Variants in EXOC4 observed in about 807,000 individuals in gnomAD.
EXOC4 encodes the protein SEC8-like 1.
In EXOC4, 71 loss-of-function variants were observed where a neutral mutation model predicts 107.2. That is an observed-to-expected ratio of 0.66 (90% CI 0.55 to 0.81). The LOEUF (loss-of-function observed/expected upper bound fraction) is 0.81. Among genes scored for constraint, EXOC4 ranks in the 30% least tolerant of loss-of-function variants. The pLI is 0.00. For missense variants in EXOC4, 1,108 were observed against 1,189.6 expected (o/e 0.93, Z 1.01); for synonymous variants, 456 against 441.2 (o/e 1.03, Z -0.42).
At chr7:133,661,672 T>TAAAA (rs1177627198) in intron 10 of EXOC4, among the ~76,000 whole-genome samples, 204 of 13,258 alleles carry the variant, frequency 0.015, 2 homozygotes, top group Non-Finnish European at 0.017. Flanking sequence ...TCCTTAAAAC[T>TAAAA]AAAAAAAAAA....
chr7:133,919,628 C>G (rs1037804477), intron 13 of EXOC4, among the ~76,000 whole-genome samples: 1 of 152,144 alleles, frequency 6.6e-6, no homozygotes, highest in Non-Finnish European at 1.5e-5. Context: ...TACTTGAAAT[C>G]ATACAGTATG....
At chr7:133,841,854 CTTCT>C (rs1798030790) in intron 11 of EXOC4, among the ~76,000 whole-genome samples, 1 of 152,108 alleles carries the variant, frequency 6.6e-6, no homozygotes, top group African/African-American at 2.4e-5. Context: ...CTGTTTTTCC[CTTCT>C]TTGTGTTCAT....
intron 5 of EXOC4, among the ~76,000 whole-genome samples, chr7:133,346,431 TTTC>T (rs1237426385): frequency 6.6e-6 from 1 of 152,224 alleles, no homozygotes; most frequent in African/African-American, 2.4e-5. Context: ...AGTCAGATGA[TTTC>T]TTTTTAATTT....
rs577838668 is a variant in EXOC4, at chr7:133,564,150, G to T, written c.1418-65895G>T. On this transcript the variant is annotated intron_variant, in intron 9 of 17. Coordinates refer to ENST00000253861, the MANE Select transcript of EXOC4 (RefSeq NM_021807.4). ...ACTGTGTGATTTATAAAGAAAAAGA[G>T]ATTTAATTGGCTCACGGTTCTGCAG... Among the ~76,000 whole-genome samples, 5 of 152,314 alleles carry T rather than the reference G, an allele frequency of 3.3e-5. No individual in the cohort carries two copies. The East Asian group carries it at 9.6e-4, about 29-fold the overall frequency.
In EXOC4 at chr7:133,938,076, A is replaced by G. The variant is rs751386426; in HGVS notation, c.2206+7A>G. The G allele has an allele frequency of 2.1e-5, 34 of 1,614,060 alleles. No individual in the cohort carries two copies. Among genetic ancestry groups the G allele is most frequent in the South Asian group, 3.3e-5 (3 of 91,068 alleles). ...AATCTTTCTACATCCCAGAGTAAGT[A>G]TCTAGTAGGAAGCTGTTGTGGGGAC... On this transcript the variant is annotated splice_region_variant and intron_variant, in intron 14 of 17. Transcript: ENST00000253861.
Position 133,306,009 on chromosome 7 carries a change from A to G in EXOC4, c.604A>G (p.Ile202Val). Reference sequence around the variant, plus strand: ...AGATGAACTACACCGGCACCTGTACATCAAATCGACTAGCCGAGTTGTGCA... The same window carrying G: ...AGATGAACTACACCGGCACCTGTACGTCAAATCGACTAGCCGAGTTGTGCA... ...LIDELHRHLY[I>V]KSTSRVVQRN... is the part of the protein sequence containing the mutation. Residue 202 changes from isoleucine to valine, a missense_variant, in exon 4 of 18, where the codon ATC (isoleucine) becomes GTC (valine). Ile to Val is a conservative substitution (Grantham distance 29, BLOSUM62 3). Transcript: ENST00000253861. The G allele has an allele frequency of 6.2e-7, 1 of 1,613,820 alleles. No homozygotes were observed. Among genetic ancestry groups the G allele is most frequent in the Non-Finnish European group, 8.5e-7 (1 of 1,179,852 alleles).
At chr7:133,855,114 A>AATATATATATATAAAT (rs1288513345) in intron 11 of EXOC4, among the ~76,000 whole-genome samples, 4 of 91,492 alleles carry the variant, frequency 4.4e-5, no homozygotes, top group African/African-American at 1.6e-4. Flanking sequence ...AATATATATA[A>AATATATATATATAAAT]ATATATATAT....
chr7:133,630,123 T>A lies in EXOC4; in HGVS notation c.1496T>A (p.Ile499Lys). 1 of 1,613,504 alleles carries A rather than the reference T, an allele frequency of 6.2e-7. No homozygotes were observed. Among genetic ancestry groups the A allele is most frequent in the Non-Finnish European group, 8.5e-7 (1 of 1,179,466 alleles). The change falls in exon 10 of 18, where the codon ATA becomes AAA. Residue 499 changes from isoleucine (I) to lysine (K), a missense_variant. Transcript: ENST00000253861. The stretch of plus-strand genomic sequence containing the variant: ...CCTGGAGCCAGAAACATTACCGTCA[T>A]ATTCCACCCATTACTAAGGTAAGTC... ...CKPGARNITV[I>K]FHPLLRFIQE...
chr7:133,691,506 A>G (rs546315198), intron 10 of EXOC4, among the ~76,000 whole-genome samples: 8 of 152,342 alleles, frequency 5.3e-5, no homozygotes, highest in African/African-American at 1.7e-4. Flanking sequence ...TATTAATAAT[A>G]CATATTTACT....
chr7:133,546,414 C>T (rs1485184188), intron 9 of EXOC4, among the ~76,000 whole-genome samples: 1 of 151,994 alleles, frequency 6.6e-6, no homozygotes, highest in South Asian at 2.1e-4. Flanking sequence ...TGCCACCATA[C>T]CCAGCTAATT....
intron 17 of EXOC4, among the ~76,000 whole-genome samples, chr7:134,051,079 A>T (rs1179925498): frequency 1.3e-5 from 2 of 152,190 alleles, no homozygotes; most frequent in Non-Finnish European, 2.9e-5. Flanking sequence ...TGAGATTTTG[A>T]GGTTTTGCAA....
At position 133,705,266 on chromosome 7, in the gene EXOC4, C is replaced by CT. The variant is rs1406907287; in HGVS notation, c.1514+75126dup. On this transcript the variant is annotated intron_variant, in intron 10 of 17. Transcript: ENST00000253861. ...CCTGTAATCCCAGCAATTCAGGAGT[C>CT]TAAGGCAGGAGAATCACTTGAACCT... Among the ~76,000 whole-genome samples, 3 of 152,190 alleles carry CT rather than the reference C, an allele frequency of 2.0e-5. No individual in the cohort carries two copies. The East Asian group carries it at 5.8e-4, about 29-fold the overall frequency.
chr7:133,257,330 A>T (rs764368167), intron 1 of EXOC4, among the ~76,000 whole-genome samples: 2 of 151,940 alleles, frequency 1.3e-5, no homozygotes, highest in Non-Finnish European at 2.9e-5. Flanking sequence ...TTTTCTGTTG[A>T]CCTGCTGATG....
chr7:133,695,140 T>A (rs1410562136), intron 10 of EXOC4, among the ~76,000 whole-genome samples: 1 of 151,480 alleles, frequency 6.6e-6, no homozygotes. Context: ...CCTTTCTAAC[T>A]ATGGTAATCA....
intron 14 of EXOC4, among the ~76,000 whole-genome samples, chr7:133,939,442 G>A (rs899402436): frequency 6.6e-6 from 1 of 152,170 alleles, no homozygotes; most frequent in African/African-American, 2.4e-5. Context: ...GAAGCAGTGG[G>A]CTTCAGAGGG....
At chr7:134,072,545 G>A in the EXOC4 span, among the ~76,000 whole-genome samples, 1 of 152,168 alleles carries the variant, frequency 6.6e-6, no homozygotes, top group Non-Finnish European at 1.5e-5. Flanking sequence ...ATGGCCAGGG[G>A]AGGTCAGAGA....
intron 10 of EXOC4, among the ~76,000 whole-genome samples, chr7:133,783,900 G>A (rs551640520): frequency 6.6e-6 from 1 of 152,242 alleles, no homozygotes; most frequent in East Asian, 1.9e-4. Flanking sequence ...TTATACAGTA[G>A]ATGAAATGCA....
intron 10 of EXOC4, among the ~76,000 whole-genome samples, chr7:133,719,756 C>T (rs1474332638): frequency 1.3e-5 from 2 of 152,102 alleles, no homozygotes; most frequent in East Asian, 1.9e-4. Context: ...GGCAGAAACT[C>T]AGAAACAATA....
At chr7:134,069,726 C>T (rs992676343), downstream of EXOC4, among the ~76,000 whole-genome samples, 8 of 152,132 alleles carry the variant, frequency 5.3e-5, no homozygotes, top group African/African-American at 1.7e-4. Context: ...TGGGGCTCAG[C>T]CTCCCAAAGC....
Sources: gnomAD v4.1 joint callset for allele counts (sites outside exome capture counted in the v4.1 genomes callset) on GRCh38, gnomAD v4.1.1 for gene constraint, MANE v1.5 for transcripts, NCBI Gene and HGNC (gene_info 2026-07-23, HGNC 2026-07-21) for gene names.